Variants in CHST9 observed in about 807,000 individuals in gnomAD.
CHST9 encodes the protein carbohydrate sulfotransferase 9.
Under a neutral mutation model 44.4 loss-of-function variants are expected in CHST9, and 41 were observed. The observed-to-expected ratio is 0.92, with a 90% CI of 0.72 to 1.20. The LOEUF is 1.20. CHST9 is among the 50% of genes most tolerant of loss of function. The pLI, the probability that CHST9 is intolerant of heterozygous loss-of-function variation, is 0.00. For synonymous variants in CHST9, 171 were observed against 178.4 expected (o/e 0.96, Z 0.33); for missense variants, 504 against 516.5 (o/e 0.98, Z 0.23).
chr18:27,169,584 A>C (rs2058817889), intron 1 of CHST9, among the ~76,000 whole-genome samples: 1 of 151,548 alleles, frequency 6.6e-6, no homozygotes, highest in Non-Finnish European at 1.5e-5. Context: ...AAAATGTATA[A>C]AACATATATT....
chr18:26,985,007 C>T (rs1378889414), intron 4 of CHST9, among the ~76,000 whole-genome samples: 1 of 152,134 alleles, frequency 6.6e-6, no homozygotes, highest in East Asian at 1.9e-4. Context: ...TAGTTGTACA[C>T]CTACCAGAAA....
intron 1 of CHST9, among the ~76,000 whole-genome samples, chr18:27,174,755 G>A (rs1464138741): frequency 6.6e-6 from 1 of 151,860 alleles, no homozygotes; most frequent in Non-Finnish European, 1.5e-5. Flanking sequence ...ACACACTCTG[G>A]GTTCACGGAT....
chr18:27,005,838 T>G (rs2057009828), intron 4 of CHST9, among the ~76,000 whole-genome samples: 1 of 152,136 alleles, frequency 6.6e-6, no homozygotes, highest in East Asian at 1.9e-4. Context: ...AGTTCTGCCC[T>G]TGCAGTCCCT....
chr18:27,078,440 C>G (rs751137822), intron 2 of CHST9, among the ~76,000 whole-genome samples: 4 of 151,988 alleles, frequency 2.6e-5, no homozygotes, highest in Non-Finnish European at 5.9e-5. Flanking sequence ...TGAACCATTG[C>G]GCTTAGGGGA....
At chr18:27,112,623 C>G (rs1018677646) in intron 2 of CHST9, among the ~76,000 whole-genome samples, 1 of 133,136 alleles carries the variant, frequency 7.5e-6, no homozygotes, top group South Asian at 2.3e-4. Flanking sequence ...GTGTAGGATA[C>G]ATATATATTA....
intron 5 of CHST9, among the ~76,000 whole-genome samples, chr18:26,921,822 C>A (rs1183122161): frequency 6.6e-6 from 1 of 152,120 alleles, no homozygotes; most frequent in Non-Finnish European, 1.5e-5. Context: ...AAGAGTGGCT[C>A]CCCCTGTGTT....
At chr18:27,176,015 G>A (rs2058865468) in intron 1 of CHST9, among the ~76,000 whole-genome samples, 1 of 152,012 alleles carries the variant, frequency 6.6e-6, no homozygotes, top group Non-Finnish European at 1.5e-5. Flanking sequence ...TTAACTAAGA[G>A]TTAACTAGAG....
At chr18:27,148,591 C>T (rs1317487664) in intron 1 of CHST9, among the ~76,000 whole-genome samples, 1 of 148,290 alleles carries the variant, frequency 6.7e-6, no homozygotes, top group African/African-American at 2.5e-5. Flanking sequence ...ATGAACTCAT[C>T]CTTTTTTATG....
chr18:27,151,381 C>G (rs1177823145), intron 1 of CHST9, among the ~76,000 whole-genome samples: 1 of 152,034 alleles, frequency 6.6e-6, no homozygotes, highest in African/African-American at 2.4e-5. Flanking sequence ...AGGATAACAC[C>G]TCACGTAAGC....
At position 27,013,243 on chromosome 18, in the gene CHST9, C is replaced by T. The variant is rs564849553; in HGVS notation, c.202+10873G>A. Among the ~76,000 whole-genome samples, 6 of 152,354 alleles carry T rather than the reference C, an allele frequency of 3.9e-5. No individual in the cohort carries two copies. The South Asian group carries it at 1.0e-3, about 26-fold the overall frequency. On this transcript the variant is annotated intron_variant, in intron 4 of 5. Coordinates refer to ENST00000618847, the MANE Select transcript of CHST9 (RefSeq NM_031422.6). ...GTGTGGTGCATAATATTTGCCAAGTCTGTGCATGTAATAGCAATAGCTAGT... is the reference window on the plus strand; with the variant it reads ...GTGTGGTGCATAATATTTGCCAAGTTTGTGCATGTAATAGCAATAGCTAGT...
At chr18:26,965,046 A>G (rs2056447147) in intron 4 of CHST9, among the ~76,000 whole-genome samples, 1 of 152,162 alleles carries the variant, frequency 6.6e-6, no homozygotes, top group Non-Finnish European at 1.5e-5. Flanking sequence ...TTCCTTCATT[A>G]TTTGTAGTTG....
At chr18:27,058,325 GA>G (rs1336515389) in intron 2 of CHST9, among the ~76,000 whole-genome samples, 1 of 152,054 alleles carries the variant, frequency 6.6e-6, no homozygotes, top group Non-Finnish European at 1.5e-5. Flanking sequence ...AAACTGGAAT[GA>G]ATTATTTTGT....
At chr18:26,995,413 GGGTGACAGAGCGAGA>G (rs1263729770) in intron 4 of CHST9, among the ~76,000 whole-genome samples, 10 of 147,626 alleles carry the variant, frequency 6.8e-5, no homozygotes, top group African/African-American at 2.5e-4. Context: ...ACTGCAACCC[GGGTGACAGAGCGAGA>G]CTCCGTCTCA....
At chr18:27,081,523 G>A (rs2057960741) in intron 2 of CHST9, among the ~76,000 whole-genome samples, 1 of 152,096 alleles carries the variant, frequency 6.6e-6, no homozygotes, top group Admixed American at 6.6e-5. Context: ...TTTGAGTATG[G>A]AACTTGTCTC....
chr18:27,147,565 G>C (rs943970706), intron 1 of CHST9: 3 of 152,128 alleles, frequency 2.0e-5, no homozygotes, highest in Admixed American at 6.6e-5. Flanking sequence ...TGAGTAAACC[G>C]AGACCAGCAG....
At chr18:26,948,784 C>T (rs773510839) in intron 4 of CHST9, among the ~76,000 whole-genome samples, 6 of 152,002 alleles carry the variant, frequency 3.9e-5, no homozygotes, top group Non-Finnish European at 8.8e-5. Flanking sequence ...GAAATAAGAA[C>T]GAATTTTGCA....
At chr18:26,990,522 T>C (rs1434197048) in intron 4 of CHST9, among the ~76,000 whole-genome samples, 2 of 152,226 alleles carry the variant, frequency 1.3e-5, no homozygotes, top group Admixed American at 1.3e-4. Flanking sequence ...CCAAAAATAA[T>C]CTGTAGCCAA....
chr18:26,978,324 C>T (rs1301543013), intron 4 of CHST9, among the ~76,000 whole-genome samples: 2 of 151,320 alleles, frequency 1.3e-5, no homozygotes, highest in Non-Finnish European at 3.0e-5. Flanking sequence ...GAGTAGATTG[C>T]TAAGGACAAT....
intron 2 of CHST9, among the ~76,000 whole-genome samples, chr18:27,075,022 T>C (rs1021508396): frequency 3.4e-5 from 5 of 148,468 alleles, no homozygotes; most frequent in Admixed American, 1.3e-4. Context: ...CTTTTTTTTA[T>C]GTGTAAAAGC....
Sources: allele counts gnomAD v4.1 joint callset (sites outside exome capture counted in the v4.1 genomes callset), GRCh38; gene constraint gnomAD v4.1.1; transcripts MANE v1.5; gene names NCBI Gene and HGNC (gene_info 2026-07-23, HGNC 2026-07-21).